The following TTC27 variants were observed in gnomAD, a reference collection of about 807,000 sequenced individuals.
TTC27 encodes the protein tetratricopeptide repeat domain 27.
A neutral mutation model predicts 115.9 loss-of-function variants in TTC27; 79 were observed. That is an observed-to-expected ratio of 0.68 (90% CI 0.57 to 0.82). The LOEUF is 0.82. Ranked by LOEUF, TTC27 falls within the 40% of genes least tolerant of loss-of-function variation. The probability of loss-of-function intolerance (pLI) is 0.00; values close to 1 mark genes in which losing one functional copy is unlikely to be tolerated. For missense variants in TTC27, 1,054 were observed against 993.1 expected (o/e 1.06, Z -0.82); for synonymous variants, 401 against 356.0 (o/e 1.13, Z -1.42).
intron 5 of TTC27, among the ~76,000 whole-genome samples, chr2:32,653,314 A>G (rs376857578): frequency 3.3e-5 from 5 of 152,106 alleles, no homozygotes; most frequent in Non-Finnish European, 2.9e-5. Flanking sequence ...TCAAAAAAAC[A>G]GTCTCCACGG....
intron 19 of TTC27, 42 bp downstream of exon 19, chr2:32,817,599 A>G (rs1468884171): frequency 6.5e-7 from 1 of 1,531,314 alleles, no homozygotes; most frequent in Non-Finnish European, 9.0e-7. Flanking sequence ...TCATATAGAA[A>G]AAGGTCATTA....
At chr2:32,795,011 A>G (rs1670649529) in intron 16 of TTC27, among the ~76,000 whole-genome samples, 1 of 152,132 alleles carries the variant, frequency 6.6e-6, no homozygotes, top group Non-Finnish European at 1.5e-5. Flanking sequence ...TCAAACATTT[A>G]AAGAAGTCAC....
At chr2:32,639,264 C>T (rs1394974300) in intron 3 of TTC27, among the ~76,000 whole-genome samples, 1 of 152,180 alleles carries the variant, frequency 6.6e-6, no homozygotes, top group Non-Finnish European at 1.5e-5. Context: ...CATTGGAACC[C>T]ATGTTCCTGA....
Position 32,683,149 on chromosome 2 carries a change from C to G in TTC27, c.1119+4227C>G, listed in dbSNP as rs549261176. Among the ~76,000 whole-genome samples the G allele has an allele frequency of 1.1e-4, 17 of 152,066 alleles. 1 individual carries two copies. In the South Asian group the frequency reaches 3.1e-3, roughly 28 times the overall value. On this transcript the variant is annotated intron_variant, in intron 9 of 19. Transcript: ENST00000317907. ...GGATTACAGGCATGAGCCACTGCAC[C>G]AGGCCAATTTTTGTATTTTTAGTAG...
In TTC27 at chr2:32,666,348, TC is replaced by T. The variant is rs1665774503; in HGVS notation, c.806-286del. Among the ~76,000 whole-genome samples the T allele has an allele frequency of 4.0e-5, 6 of 150,470 alleles. No homozygotes were observed. The South Asian group carries it at 1.0e-3, about 26-fold the overall frequency. On this transcript the variant is annotated intron_variant, in intron 6 of 19. Transcript: ENST00000317907. ...ATAATAGTTCTTCTACCTACAACAC[TC>T]AATGTGTTACTTTTTTTTTTTTTTT...
chr2:32,757,260 G>T (rs1238289703), intron 12 of TTC27, among the ~76,000 whole-genome samples: 1 of 152,134 alleles, frequency 6.6e-6, no homozygotes, highest in Non-Finnish European at 1.5e-5. Context: ...GCTTTTCATT[G>T]CCTTTGGGTA....
Position 32,666,500 on chromosome 2 carries a change from G to A in TTC27, c.806-135G>A, listed in dbSNP as rs1442617435. 1.2e-5 allele frequency: 10 copies of A among 820,686 alleles called. No individual in the cohort carries two copies. The Admixed American group carries it at 3.3e-4, about 27-fold the overall frequency. 50.8% of individuals were successfully genotyped at this position (820,686 alleles called of 1,614,324 possible). A position where few individuals can be genotyped will look rare whatever the true frequency, so the allele number is the denominator to read the frequency against. On this transcript the variant is annotated intron_variant, in intron 6 of 19. Transcript: ENST00000317907. Reference sequence around the variant, plus strand: ...TATAAGTCATTTAAAACCTGAGGCTGGGCCTCAGGACTTTCTTATGTGAAA... The same window carrying A: ...TATAAGTCATTTAAAACCTGAGGCTAGGCCTCAGGACTTTCTTATGTGAAA...
intron 9 of TTC27, among the ~76,000 whole-genome samples, chr2:32,685,074 A>T (rs1161336888): frequency 1.0e-4 from 13 of 130,274 alleles, no homozygotes; most frequent in Admixed American, 5.7e-4. Context: ...TCTGTCCCCC[A>T]GGGTGGAGTG....
intron 5 of TTC27, among the ~76,000 whole-genome samples, chr2:32,652,090 C>T (rs539834363): frequency 6.6e-6 from 1 of 152,030 alleles, no homozygotes; most frequent in Non-Finnish European, 1.5e-5. Context: ...AGGTAGGAGC[C>T]GGGCCAGGCG....
At chr2:32,675,894 C>T (rs1428683295) in intron 8 of TTC27, among the ~76,000 whole-genome samples, 2 of 151,884 alleles carry the variant, frequency 1.3e-5, no homozygotes, top group Admixed American at 6.6e-5. Context: ...CAGGTTCAAG[C>T]GATTTTCTTG....
intron 9 of TTC27, among the ~76,000 whole-genome samples, chr2:32,689,664 C>G (rs1334129428): frequency 7.2e-5 from 11 of 152,034 alleles, no homozygotes; most frequent in African/African-American, 2.7e-4. Context: ...ACTTTTGACC[C>G]TTTGCATTTA....
At chr2:32,756,092 C>T (rs947042944) in intron 12 of TTC27, among the ~76,000 whole-genome samples, 5 of 152,218 alleles carry the variant, frequency 3.3e-5, no homozygotes, top group Non-Finnish European at 7.3e-5. Context: ...CCCAGGAGTA[C>T]ATTGCCTGAA....
rs1671683176 is a variant in TTC27 at position 32,820,931 on chromosome 2, A to G, written c.2525A>G (p.Gln842Arg). The change falls in exon 20 of 20, where the codon CAG (glutamine) becomes CGG (arginine). Residue 842 changes from glutamine (Q) to arginine (R), a missense_variant. Physicochemically the swap from Gln to Arg is conservative, Grantham distance 43. Coordinates refer to ENST00000317907, the MANE Select transcript of TTC27 (RefSeq NM_017735.5). ...LQDLSNQFRN[Q>R]Y ...GACCTAAGCAACCAGTTTCGAAATC[A>G]GTATTGATTCTGCTGGAAGCAGATT... is the stretch of plus-strand genomic sequence containing the variant. The G allele has an allele frequency of 6.6e-7, 1 of 1,516,538 alleles. No homozygotes were observed. The highest frequency in any genetic ancestry group is 8.9e-7 in the Non-Finnish European group (1 of 1,125,846). The allele number at this position is 1,516,538 out of a possible 1,614,324, so 93.9% of individuals were successfully genotyped here. A position where few individuals can be genotyped will look rare whatever the true frequency, so the allele number is the denominator to read the frequency against.
chr2:32,679,774 C>G (rs1666351931), intron 9 of TTC27, among the ~76,000 whole-genome samples: 1 of 152,158 alleles, frequency 6.6e-6, no homozygotes, highest in African/African-American at 2.4e-5. Flanking sequence ...AGGTGGATCA[C>G]TTGAGATCAG....
rs35023187 is a variant in TTC27 at position 32,666,359 on chromosome 2, C to CTT, written c.806-260_806-259dup. Among the ~76,000 whole-genome samples the CTT allele has an allele frequency of 2.9e-4, 39 of 136,528 alleles. 1 individual carries two copies. The Middle Eastern group carries it at 0.015, about 53-fold the overall frequency. 89.6% of individuals were successfully genotyped at this position (136,528 alleles called of 152,430 possible). On this transcript the variant is annotated intron_variant, in intron 6 of 19. Transcript: ENST00000317907. The stretch of plus-strand genomic sequence containing the variant: ...TCTACCTACAACACTCAATGTGTTA[C>CTT]TTTTTTTTTTTTTTTTTAAAGGGTG...
At chr2:32,774,539 G>A (rs548183133) in intron 13 of TTC27, among the ~76,000 whole-genome samples, 6 of 152,232 alleles carry the variant, frequency 3.9e-5, no homozygotes, top group African/African-American at 1.2e-4. Flanking sequence ...AGCACTGGAC[G>A]AGAAGATAGA....
At chr2:32,722,146 C>A (rs1667952424) in intron 10 of TTC27, among the ~76,000 whole-genome samples, 1 of 152,192 alleles carries the variant, frequency 6.6e-6, no homozygotes, top group Non-Finnish European at 1.5e-5. Flanking sequence ...ACCTGGGAAA[C>A]CTGAACAACA....
chr2:32,662,242 G>C (rs1204523517), intron 5 of TTC27, among the ~76,000 whole-genome samples: 2 of 150,478 alleles, frequency 1.3e-5, no homozygotes, highest in African/African-American at 4.9e-5. Context: ...TTTTTGTTGT[G>C]TCTCTGCCAG....
intron 17 of TTC27, 47 bp from the exon 18 acceptor site, chr2:32,812,457 G>A: frequency 1.4e-6 from 2 of 1,392,654 alleles, no homozygotes; most frequent in Non-Finnish European, 2.0e-6. Context: ...AGTTTGAAAT[G>A]TGAATTCTAC....
Sources: gnomAD v4.1 joint callset for allele counts (sites outside exome capture counted in the v4.1 genomes callset) on GRCh38, gnomAD v4.1.1 for gene constraint, MANE v1.5 for transcripts, NCBI Gene and HGNC (gene_info 2026-07-23, HGNC 2026-07-21) for gene names.